INPP4A: variants seen among roughly 807,000 people sequenced by gnomAD.
INPP4A encodes the protein inositol polyphosphate-4-phosphatase, type I, 107kD.
INPP4A carries 33 observed loss-of-function variants against 119.8 expected under a neutral mutation model. The ratio of observed to expected loss-of-function variants is 0.28; its 90% confidence interval spans 0.21 to 0.37. The LOEUF is 0.37. Ranked by LOEUF, INPP4A falls within the 10% of genes least tolerant of loss-of-function variation. The pLI is 1.00. For missense variants in INPP4A, 956 were observed against 1,289.9 expected (o/e 0.74, Z 3.97); for synonymous variants, 496 against 500.7 (o/e 0.99, Z 0.12).
intron 1 of INPP4A, among the ~76,000 whole-genome samples, chr2:98,464,174 C>G (rs541450591): frequency 2.6e-5 from 4 of 152,264 alleles, no homozygotes; most frequent in Admixed American, 2.0e-4. Context: ...GTCTTCAAAT[C>G]TTGCACAGGC....
intron 24 of INPP4A, among the ~76,000 whole-genome samples, chr2:98,584,179 T>C (rs1699688186): frequency 6.6e-6 from 1 of 152,242 alleles, no homozygotes; most frequent in South Asian, 2.1e-4. Flanking sequence ...ATGTTTGCCA[T>C]GTTTGCCACT....
At chr2:98,473,270 G>A (rs1391577970) in intron 1 of INPP4A, among the ~76,000 whole-genome samples, 2 of 146,570 alleles carry the variant, frequency 1.4e-5, no homozygotes, top group African/African-American at 2.5e-5. Flanking sequence ...AGAGTGTGGC[G>A]GGTAGTGTGG....
At chr2:98,487,779 A>G (rs1679858354) in intron 1 of INPP4A, among the ~76,000 whole-genome samples, 1 of 152,226 alleles carries the variant, frequency 6.6e-6, no homozygotes, top group African/African-American at 2.4e-5. Context: ...GAGACAGTTC[A>G]TTGGTACTAG....
At chr2:98,448,046 C>CAA (rs35998148) in intron 1 of INPP4A, among the ~76,000 whole-genome samples, 95 of 63,866 alleles carry the variant, frequency 1.5e-3, no homozygotes, top group East Asian at 2.4e-3. Flanking sequence ...GACTCTGTCT[C>CAA]AAAAAAAAAA....
At chr2:98,450,773 GT>G (rs958710021) in intron 1 of INPP4A, among the ~76,000 whole-genome samples, 3 of 151,862 alleles carry the variant, frequency 2.0e-5, no homozygotes, top group African/African-American at 7.3e-5. Flanking sequence ...GTCTCTTTCT[GT>G]TTTTTTTGAG....
intron 4 of INPP4A, among the ~76,000 whole-genome samples, chr2:98,530,363 A>T (rs1303366562): frequency 6.6e-6 from 1 of 152,242 alleles, no homozygotes; most frequent in East Asian, 1.9e-4. Context: ...CTAAGTGTCT[A>T]AAGACACTTA....
At chr2:98,457,092 C>T (rs989587626) in intron 1 of INPP4A, among the ~76,000 whole-genome samples, 1 of 152,158 alleles carries the variant, frequency 6.6e-6, no homozygotes, top group Non-Finnish European at 1.5e-5. Context: ...TCAGTTTCTC[C>T]TGTGGGACAA....
At chr2:98,467,517 G>T (rs1464402775) in intron 1 of INPP4A, among the ~76,000 whole-genome samples, 1 of 152,218 alleles carries the variant, frequency 6.6e-6, no homozygotes, top group Non-Finnish European at 1.5e-5. Flanking sequence ...CCGTCCACAT[G>T]TGGGGACAAC....
At chr2:98,550,635 T>C (rs992078234) in intron 13 of INPP4A, among the ~76,000 whole-genome samples, 7 of 152,210 alleles carry the variant, frequency 4.6e-5, no homozygotes, top group Non-Finnish European at 8.8e-5. Flanking sequence ...GCCGCCCTCA[T>C]GTGGCTGCCT....
In INPP4A at chr2:98,589,328, T is replaced by C. The variant is rs1417322447; in HGVS notation, c.*1720T>C. Reference sequence around the variant, plus strand: ...ACAGTTTGTTTTCAATATGGCTGATTTACCCTTTCACCTCTCCACCATCTC... The same window carrying C: ...ACAGTTTGTTTTCAATATGGCTGATCTACCCTTTCACCTCTCCACCATCTC... On this transcript the variant is annotated 3_prime_UTR_variant, in exon 25 of 25. Coordinates refer to ENST00000409851, the MANE Select transcript of INPP4A (RefSeq NM_001134225.2). The C allele has an allele frequency of 5.4e-6, 1 of 185,722 alleles. No individual in the cohort carries two copies. The highest frequency in any genetic ancestry group is 1.1e-5 in the Non-Finnish European group (1 of 87,880). 11.5% of individuals were successfully genotyped at this position (185,722 alleles called of 1,614,324 possible). A position where few individuals can be genotyped will look rare whatever the true frequency, so the allele number is the denominator to read the frequency against.
chr2:98,484,406 C>A (rs888625188), intron 1 of INPP4A, among the ~76,000 whole-genome samples: 1 of 152,234 alleles, frequency 6.6e-6, no homozygotes, highest in Admixed American at 6.5e-5. Flanking sequence ...TCAGGGAAGA[C>A]CAAGCCCCAG....
intron 1 of INPP4A, among the ~76,000 whole-genome samples, chr2:98,479,592 G>A (rs1453469219): frequency 6.6e-6 from 1 of 152,136 alleles, no homozygotes; most frequent in Admixed American, 6.5e-5. Context: ...CGTATAACCT[G>A]CAGCCCACAG....
At chr2:98,529,149 T>G (rs1385343001) in intron 4 of INPP4A, among the ~76,000 whole-genome samples, 2 of 152,168 alleles carry the variant, frequency 1.3e-5, no homozygotes, top group African/African-American at 2.4e-5. Flanking sequence ...TGTGGTGTGT[T>G]TATACAATTG....
rs368802259 is a variant in INPP4A, at chr2:98,454,742, AGAG to A, written c.-166+9661_-166+9663del. Among the ~76,000 whole-genome samples the A allele has an allele frequency of 3.5e-4, 38 of 107,190 alleles. No individual in the cohort carries two copies. The East Asian group carries it at 8.8e-3, about 25-fold the overall frequency. The allele number at this position is 107,190 out of a possible 152,430, so 70.3% of individuals were successfully genotyped here. On this transcript the variant is annotated intron_variant, in intron 1 of 24. Transcript: ENST00000409851. Reference sequence around the variant, plus strand: ...GAGGCAGGGACATCCAGCGAAGTTGAGAGGAGAAGGATGTGGGCGGGGGGTGGG... The same window carrying A: ...GAGGCAGGGACATCCAGCGAAGTTGAGAGAAGGATGTGGGCGGGGGGTGGG...
chr2:98,519,985 A>G lies in INPP4A; in HGVS notation c.-64A>G. On this transcript the variant is annotated 5_prime_UTR_variant, in exon 3 of 25. Coordinates refer to ENST00000409851, the MANE Select transcript of INPP4A (RefSeq NM_001134225.2). ...TAGTGGACTAGGGCTCGGTGCCAGC[A>G]CTTCCCGGGTAATCAGGCGTGGTCT... 7.3e-7 allele frequency: 1 copy of G among 1,362,206 alleles called. No homozygotes were observed. 84.4% of individuals were successfully genotyped at this position (1,362,206 alleles called of 1,614,324 possible). A position where few individuals can be genotyped will look rare whatever the true frequency, so the allele number is the denominator to read the frequency against.
intron 1 of INPP4A, among the ~76,000 whole-genome samples, chr2:98,461,974 G>T (rs1278877108): frequency 6.6e-6 from 1 of 152,240 alleles, no homozygotes; most frequent in Non-Finnish European, 1.5e-5. Context: ...TTGCTCTGAG[G>T]TCTGGGCCTA....
At chr2:98,519,912 C>G in intron 2 of INPP4A, 34 bp from the exon 3 acceptor site, 1 of 685,658 alleles carries the variant, frequency 1.5e-6, no homozygotes, top group African/African-American at 1.8e-5. Context: ...CCATCACCGT[C>G]CCCATGGTTT....
intron 1 of INPP4A, among the ~76,000 whole-genome samples, chr2:98,489,028 T>C (rs1429745685): frequency 6.6e-6 from 1 of 151,062 alleles, no homozygotes; most frequent in Non-Finnish European, 1.5e-5. Flanking sequence ...AGGAGGCTGG[T>C]TTGGAGCCTG....
intron 18 of INPP4A, 92 bp from the exon 19 acceptor site, chr2:98,564,548 A>G: frequency 6.7e-7 from 1 of 1,483,600 alleles, no homozygotes. Flanking sequence ...GTGGCAGCAG[A>G]GGAAGGGGGC....
Sources: gnomAD v4.1 joint callset for allele counts (sites outside exome capture counted in the v4.1 genomes callset) on GRCh38, gnomAD v4.1.1 for gene constraint, MANE v1.5 for transcripts, NCBI Gene and HGNC (gene_info 2026-07-23, HGNC 2026-07-21) for gene names.